The following ABL1 variants were observed in gnomAD, a reference collection of about 807,000 sequenced individuals.
ABL1 encodes the protein tyrosine-protein kinase ABL1.
A neutral mutation model predicts 94.7 loss-of-function variants in ABL1; 11 were observed. The observed-to-expected ratio is 0.12, with a 90% CI of 0.07 to 0.19. ABL1 has a LOEUF of 0.19. Ranked by LOEUF, ABL1 falls within the 10% of genes least tolerant of loss-of-function variation. The pLI is 1.00. For missense variants in ABL1, 1,082 were observed against 1,489.4 expected (o/e 0.73, Z 4.50); for synonymous variants, 656 against 622.4 (o/e 1.05, Z -0.80).
chr9:130,837,299 C>G (rs1353321863), intron 1 of ABL1, among the ~76,000 whole-genome samples: 1 of 152,142 alleles, frequency 6.6e-6, no homozygotes, highest in Non-Finnish European at 1.5e-5. Flanking sequence ...ACATCTGTAT[C>G]GAGTTAGTGT....
intron 7 of ABL1, among the ~76,000 whole-genome samples, chr9:130,875,600 G>A (rs962088160): frequency 2.0e-5 from 3 of 152,064 alleles, no homozygotes; most frequent in Non-Finnish European, 2.9e-5. Context: ...AGTTTCGTAC[G>A]TTCTGGGTTT....
intron 1 of ABL1, among the ~76,000 whole-genome samples, chr9:130,784,621 C>T (rs1454758034): frequency 6.6e-6 from 1 of 152,170 alleles, no homozygotes; most frequent in Non-Finnish European, 1.5e-5. Context: ...TGCCTTTGCT[C>T]ATCTAGTCTG....
At chr9:130,724,777 A>C in intron 1 of ABL1, 1 of 466,912 alleles carries the variant, frequency 2.1e-6, no homozygotes, top group South Asian at 1.6e-5. Flanking sequence ...AAAAGCAAAT[A>C]AATTCTTGAG....
chr9:130,815,226 C>G (rs1025067415), intron 1 of ABL1, among the ~76,000 whole-genome samples: 4 of 152,092 alleles, frequency 2.6e-5, no homozygotes, highest in Admixed American at 2.6e-4. Flanking sequence ...CCCAGCTACT[C>G]AGGAGGCTGA....
intron 1 of ABL1, among the ~76,000 whole-genome samples, chr9:130,729,933 G>A (rs1831640311): frequency 6.7e-6 from 1 of 149,740 alleles, no homozygotes; most frequent in African/African-American, 2.5e-5. Context: ...TTGGTAGATA[G>A]GGTTTCATCA....
chr9:130,861,002 A>AT (rs1390717851), intron 3 of ABL1, among the ~76,000 whole-genome samples: 1 of 152,192 alleles, frequency 6.6e-6, no homozygotes, highest in African/African-American at 2.4e-5. Context: ...TCCCCGACAC[A>AT]TTCCTGTGTG....
At chr9:130,745,819 G>A (rs1161334909) in intron 1 of ABL1, among the ~76,000 whole-genome samples, 2 of 152,066 alleles carry the variant, frequency 1.3e-5, no homozygotes, top group African/African-American at 2.4e-5. Context: ...TTTCAGAAGA[G>A]TAGAATGTAC....
intron 1 of ABL1, among the ~76,000 whole-genome samples, chr9:130,752,487 G>A (rs1241026931): frequency 6.6e-6 from 1 of 152,180 alleles, no homozygotes; most frequent in Non-Finnish European, 1.5e-5. Flanking sequence ...CTATGAGGGT[G>A]AAGTATAGAA....
intron 1 of ABL1, among the ~76,000 whole-genome samples, chr9:130,786,709 G>A (rs1423989170): frequency 2.6e-5 from 4 of 152,114 alleles, no homozygotes; most frequent in South Asian, 2.1e-4. Context: ...TCCCTAGTGC[G>A]GCAAGCAGCT....
chr9:130,806,067 G>C (rs1221862403), intron 1 of ABL1, among the ~76,000 whole-genome samples: 1 of 152,182 alleles, frequency 6.6e-6, no homozygotes, highest in Non-Finnish European at 1.5e-5. Context: ...ACCAGATTAA[G>C]AAGACCCCAT....
intron 1 of ABL1, among the ~76,000 whole-genome samples, chr9:130,774,872 G>C (rs1053316348): frequency 6.6e-6 from 1 of 151,880 alleles, no homozygotes; most frequent in Non-Finnish European, 1.5e-5. Flanking sequence ...AAGTTAGAAA[G>C]TGGGGGAGGG....
rs148845750 is a variant in ABL1 at position 130,793,662 on chromosome 9, C to G, written c.137-60402C>G. ...AAGTTATTGAGTGCAGTTTCAAACACAAGCCACCACTGTTCCATAGATCAG... is the reference window on the plus strand; with the variant it reads ...AAGTTATTGAGTGCAGTTTCAAACAGAAGCCACCACTGTTCCATAGATCAG... On this transcript the variant is annotated intron_variant, in intron 1 of 10. Coordinates refer to the ABL1 transcript ENST00000372348. 6.5e-3 allele frequency among the ~76,000 whole-genome samples: 990 copies of G among 152,234 alleles called. 12 individuals are homozygous for G. Among genetic ancestry groups the G allele is most frequent in the African/African-American group, 0.022 (932 of 41,530 alleles).
At chr9:130,823,935 A>G (rs34639810) in intron 1 of ABL1, among the ~76,000 whole-genome samples, 5,462 of 152,238 alleles carry the variant, frequency 0.036, 313 homozygotes, top group African/African-American at 0.12. Flanking sequence ...TTGATATGCA[A>G]TTGTTGGCCT....
chr9:130,873,409 C>T (rs957219141), intron 6 of ABL1, among the ~76,000 whole-genome samples: 2 of 152,248 alleles, frequency 1.3e-5, no homozygotes, highest in African/African-American at 2.4e-5. Flanking sequence ...CCGGGGCCAG[C>T]GCCCAGCAGT....
At position 130,779,451 on chromosome 9, in the gene ABL1, T is replaced by C. The variant is rs1011292534; in HGVS notation, c.136+64996T>C. ...TTTATTTGACATTAGGGCTTGCTGA[T>C]TTATGGCATAACGCAGTACATTTCA... On this transcript the variant is annotated intron_variant, in intron 1 of 10. Coordinates refer to the ABL1 transcript ENST00000372348. Among the ~76,000 whole-genome samples, 5 of 152,350 alleles carry C rather than the reference T, an allele frequency of 3.3e-5. No individual in the cohort carries two copies. The East Asian group carries it at 9.6e-4, about 29-fold the overall frequency.
At chr9:130,834,069 A>C (rs1411536531), upstream of ABL1, 1 of 456,096 alleles carries the variant, frequency 2.2e-6, no homozygotes, top group East Asian at 6.9e-5. Flanking sequence ...GCCTGTTTCC[A>C]GCTGTGGGCA....
intron 1 of ABL1, among the ~76,000 whole-genome samples, chr9:130,843,774 G>A (rs1324987332): frequency 6.6e-6 from 1 of 152,140 alleles, no homozygotes; most frequent in Admixed American, 6.5e-5. Flanking sequence ...TCACAGTGCA[G>A]TCAGGAGAGG....
intron 1 of ABL1, among the ~76,000 whole-genome samples, chr9:130,733,825 T>C (rs928184621): frequency 6.6e-6 from 1 of 151,690 alleles, no homozygotes; most frequent in Admixed American, 6.6e-5. Context: ...CTCCTGACTT[T>C]GTGATCCGCC....
chr9:130,857,163 G>T (rs1239649324), intron 3 of ABL1, among the ~76,000 whole-genome samples: 1 of 152,172 alleles, frequency 6.6e-6, no homozygotes, highest in African/African-American at 2.4e-5. Flanking sequence ...CCATGGCCTG[G>T]TTTGAAAATG....
Sources: allele counts gnomAD v4.1 joint callset (sites outside exome capture counted in the v4.1 genomes callset), GRCh38; gene constraint gnomAD v4.1.1; transcripts MANE v1.5; gene names NCBI Gene and HGNC (gene_info 2026-07-23, HGNC 2026-07-21).